CNNM4: variants seen among roughly 807,000 people sequenced by gnomAD.
CNNM4 encodes metal transporter CNNM4.
Under a neutral mutation model 53.7 loss-of-function variants are expected in CNNM4, and 32 were observed. The observed-to-expected ratio is 0.60, with a 90% CI of 0.45 to 0.80. CNNM4 has a LOEUF of 0.80. Ranked by LOEUF, CNNM4 falls within the 30% of genes least tolerant of loss-of-function variation. CNNM4 has a pLI of 0.00. For synonymous variants in CNNM4, 410 were observed against 440.0 expected, an observed-to-expected ratio of 0.93 and a Z score of 0.85; for missense variants, 784 against 1,022.0, an observed-to-expected ratio of 0.77 and a Z score of 3.17.
intron 1 of CNNM4, among the ~76,000 whole-genome samples, chr2:96,789,849 C>T (rs1461270958): frequency 4.6e-5 from 7 of 151,068 alleles, no homozygotes; most frequent in African/African-American, 7.3e-5. Context: ...CGCGCCACCA[C>T]GCCTGGCTAA....
At chr2:96,806,139 C>G (rs980790490) in intron 5 of CNNM4, among the ~76,000 whole-genome samples, 13 of 148,332 alleles carry the variant, frequency 8.8e-5, no homozygotes, top group Admixed American at 6.0e-4. Context: ...CTGACCCCCC[C>G]ACCGCCCTCC....
rs1211382089 is a variant in CNNM4 at position 96,808,415 on chromosome 2, C to G, written c.1949-146C>G. The G allele has an allele frequency of 1.3e-6, 1 of 765,560 alleles. No individual in the cohort carries two copies. Among genetic ancestry groups the G allele is most frequent in the Non-Finnish European group, 2.3e-6 (1 of 442,754 alleles). The allele number at this position is 765,560 out of a possible 1,614,324, so 47.4% of individuals were successfully genotyped here. ...GAAGTCAGACCTTATGCAGTCAGACCTTCTACATGCTTCTGTTTGTCCCTA... is the reference window on the plus strand; with the variant it reads ...GAAGTCAGACCTTATGCAGTCAGACGTTCTACATGCTTCTGTTTGTCCCTA... On this transcript the variant is annotated intron_variant, in intron 5 of 6. Coordinates refer to ENST00000377075, the MANE Select transcript of CNNM4 (RefSeq NM_020184.4). The surrounding 1 kb of genome is among the most constrained non-coding windows in gnomAD (Gnocchi z 4.9).
Position 96,761,875 on chromosome 2 carries a change from C to G in CNNM4, c.876C>G (p.Ser292=). ...AGATCCTACCTCAGGCCCTGTGCTCCCGACATGGGCTGGCTGTGGGTGCCA... is the reference window on the plus strand; with the variant it reads ...AGATCCTACCTCAGGCCCTGTGCTCGCGACATGGGCTGGCTGTGGGTGCCA... ...FGEILPQALC[S]RHGLAVGANT... Residue 292 remains serine (S), a synonymous_variant, in exon 1 of 7, where the codon TCC becomes TCG. Transcript: ENST00000377075. The surrounding 1 kb of genome is among the most constrained non-coding windows in gnomAD (Gnocchi z 6.0). The G allele has an allele frequency of 1.2e-6, 2 of 1,614,184 alleles. No homozygotes were observed. Among genetic ancestry groups the G allele is most frequent in the Non-Finnish European group, 1.7e-6 (2 of 1,180,034 alleles).
Position 96,808,484 on chromosome 2 carries a change from T to C in CNNM4, c.1949-77T>C, listed in dbSNP as rs1405801388. The C allele has an allele frequency of 3.4e-6, 5 of 1,489,276 alleles. No individual in the cohort carries two copies. The African/African-American group carries it at 4.1e-5, about 12-fold the overall frequency. 92.3% of individuals were successfully genotyped at this position (1,489,276 alleles called of 1,614,324 possible). On this transcript the variant is annotated intron_variant, in intron 5 of 6. Transcript: ENST00000377075. This position sits in a 1 kb window ranked among gnomAD's most constrained non-coding sequence, Gnocchi z 4.9. Reference sequence around the variant, plus strand: ...TGGGTGGGGTGTCCCTGGGCTTCCATGGGATGAGGTGAGACATGAGGGTGA... The same window carrying C: ...TGGGTGGGGTGTCCCTGGGCTTCCACGGGATGAGGTGAGACATGAGGGTGA...
chr2:96,805,443 A>ATT (rs1204144412), intron 5 of CNNM4, among the ~76,000 whole-genome samples: 9 of 73,754 alleles, frequency 1.2e-4, no homozygotes, highest in Admixed American at 5.6e-4. Flanking sequence ...TTTTTTTATT[A>ATT]TTTTTTTTTA....
chr2:96,790,620 C>T (rs1477990415), intron 1 of CNNM4, among the ~76,000 whole-genome samples: 4 of 150,466 alleles, frequency 2.7e-5, no homozygotes, highest in Non-Finnish European at 5.9e-5. Flanking sequence ...TCCCAAAGTG[C>T]TGGGATTACA....
Position 96,797,276 on chromosome 2 carries a change from G to T in CNNM4, c.1546+121G>T. 6.9e-7 allele frequency: 1 copy of T among 1,453,746 alleles called. No individual in the cohort carries two copies. The highest frequency in any genetic ancestry group is 9.5e-7 in the Non-Finnish European group (1 of 1,050,930). 90.1% of individuals were successfully genotyped at this position (1,453,746 alleles called of 1,614,324 possible). A position where few individuals can be genotyped will look rare whatever the true frequency, so the allele number is the denominator to read the frequency against. On this transcript the variant is annotated intron_variant, in intron 2 of 6. Transcript: ENST00000377075. This position sits in a 1 kb window ranked among gnomAD's most constrained non-coding sequence, Gnocchi z 6.0. ...AGGCCTAGCATCCAGAGGCCCAGTG[G>T]CTGGGTGCCCTGCACTGGCCGGGGT... is the stretch of plus-strand genomic sequence containing the variant.
chr2:96,780,400 G>C (rs1299068976), intron 1 of CNNM4, among the ~76,000 whole-genome samples: 4 of 150,914 alleles, frequency 2.7e-5, no homozygotes, highest in South Asian at 2.1e-4. Context: ...CCCTCCCCAA[G>C]ACTGCCCACT....
At chr2:96,798,701 A>G (rs2079128670) in intron 3 of CNNM4, among the ~76,000 whole-genome samples, 1 of 152,118 alleles carries the variant, frequency 6.6e-6, no homozygotes, top group Non-Finnish European at 1.5e-5. Flanking sequence ...GCACATATAT[A>G]CTAAGTGCTG....
chr2:96,806,840 TATTCAAGATTGTTACAACTCTTATTCGAG>T (rs2079213141), intron 5 of CNNM4, among the ~76,000 whole-genome samples: 1 of 152,170 alleles, frequency 6.6e-6, no homozygotes, highest in South Asian at 2.1e-4. Flanking sequence ...CATTCTTCCT[TATTCAAGATTGTTACAACTCTTATTCGAG>T]ATTCGAGATT....
chr2:96,769,003 G>A (rs1373828205), intron 1 of CNNM4, among the ~76,000 whole-genome samples: 1 of 152,242 alleles, frequency 6.6e-6, no homozygotes, highest in African/African-American at 2.4e-5. Context: ...TGTAATCCCA[G>A]CACTTTGGGA....
chr2:96,781,534 A>G (rs556222423), intron 1 of CNNM4, among the ~76,000 whole-genome samples: 1 of 152,260 alleles, frequency 6.6e-6, no homozygotes, highest in East Asian at 1.9e-4. Context: ...TTTTATTTTG[A>G]GGGATACACA....
intron 1 of CNNM4, among the ~76,000 whole-genome samples, chr2:96,774,406 C>A (rs565737622): frequency 6.6e-6 from 1 of 152,006 alleles, no homozygotes; most frequent in South Asian, 2.1e-4. Context: ...AGAGCGAGAC[C>A]CTGTGTTTAA....
chr2:96,800,087 C>T lies in CNNM4; in HGVS notation c.1948+439C>T, dbSNP rs953820207. On this transcript the variant is annotated intron_variant, in intron 5 of 6. Transcript: ENST00000377075. The surrounding 1 kb of genome is among the most constrained non-coding windows in gnomAD (Gnocchi z 4.6). Reference sequence around the variant, plus strand: ...CAGGCTGCAGATGGGTTTGGCTTTTCGGAGGACGCGGCTACTGGGTTTTGG... The same window carrying T: ...CAGGCTGCAGATGGGTTTGGCTTTTTGGAGGACGCGGCTACTGGGTTTTGG... 4.6e-5 allele frequency among the ~76,000 whole-genome samples: 7 copies of T among 152,232 alleles called. No individual in the cohort carries two copies. Among genetic ancestry groups the T allele is most frequent in the South Asian group, 4.2e-4 (2 of 4,816 alleles).
intron 6 of CNNM4, 194 bp from the exon 7 acceptor site, chr2:96,809,126 G>A: frequency 1.6e-6 from 2 of 1,245,072 alleles, no homozygotes; most frequent in South Asian, 2.8e-5. Context: ...ACAGGTGTGA[G>A]CCACTGTGCC....
chr2:96,785,182 C>T (rs898352722), intron 1 of CNNM4, among the ~76,000 whole-genome samples: 8 of 151,970 alleles, frequency 5.3e-5, no homozygotes, highest in African/African-American at 1.4e-4. Flanking sequence ...CCAGCATTTA[C>T]GGGGTATTCT....
intron 1 of CNNM4, among the ~76,000 whole-genome samples, chr2:96,769,817 T>TCCGAA: frequency 6.6e-6 from 1 of 152,284 alleles, no homozygotes; most frequent in East Asian, 1.9e-4. Context: ...GCACCGGTTC[T>TCCGAA]CCGTCAGCCC....
Position 96,809,505 on chromosome 2 carries a change from G to A in CNNM4, c.2316G>A (p.Glu772=), listed in dbSNP as rs1342695085. 2 of 1,614,188 alleles carry A rather than the reference G, an allele frequency of 1.2e-6. No individual in the cohort carries two copies. The highest frequency in any genetic ancestry group is 2.2e-5 in the South Asian group (2 of 91,084). Residue 772 remains glutamate, a synonymous_variant, in exon 7 of 7, where the codon GAG becomes GAA. Transcript: ENST00000377075. ...CCTTGCTGCACAAAGCCTCCCACGA[G>A]AATGCCATCTGACAGGAGGGCCCGG... is the stretch of plus-strand genomic sequence containing the variant. ...RNSLLHKASH[E]NAI
At chr2:96,787,634 G>A (rs529640842) in intron 1 of CNNM4, among the ~76,000 whole-genome samples, 4 of 152,152 alleles carry the variant, frequency 2.6e-5, no homozygotes, top group Non-Finnish European at 5.9e-5. Context: ...ATGGTGGGAG[G>A]ATCGCTTGAG....
Sources: gnomAD v4.1 joint callset for allele counts (sites outside exome capture counted in the v4.1 genomes callset) on GRCh38, gnomAD v4.1.1 for gene constraint, Gnocchi (gnomAD v3.1) non-coding constraint, MANE v1.5 for transcripts, NCBI Gene and HGNC (gene_info 2026-07-23, HGNC 2026-07-21) for gene names.